Variants in CYP4B1 observed in about 807,000 individuals in gnomAD.
CYP4B1 encodes cytochrome P450 family 4 subfamily B member 1, also known as cytochrome P450 4B1.
A neutral mutation model predicts 54.0 loss-of-function variants in CYP4B1; 45 were observed. That is an observed-to-expected ratio of 0.83 (90% confidence interval 0.66 to 1.07). The LOEUF (loss-of-function observed/expected upper bound fraction) is 1.07. CYP4B1 is among the 50% of genes least tolerant of loss of function. CYP4B1 has a pLI of 0.00. For missense variants in CYP4B1, 656 were observed against 655.4 expected (o/e 1.00, Z -0.01); for synonymous variants, 248 against 247.5 (o/e 1.00, Z -0.02).
At chr1:46,800,581 C>T (rs1165881351) in intron 1 of CYP4B1, among the ~76,000 whole-genome samples, 2 of 152,016 alleles carry the variant, frequency 1.3e-5, no homozygotes, top group Non-Finnish European at 1.5e-5. Flanking sequence ...CCACCTGCCT[C>T]GGCCTCCCAA....
chr1:46,814,227 G>A lies in CYP4B1; in HGVS notation c.794G>A (p.Arg265Gln), dbSNP rs138537119. The change falls in exon 7 of 12, where the codon CGG becomes CAG. Residue 265 changes from arginine to glutamine, a missense_variant. Coordinates refer to ENST00000371923, the MANE Select transcript of CYP4B1 (RefSeq NM_001099772.2). Reference sequence around the variant, plus strand: ...GGTTCAGACCAGGTCATCAGGGAGCGGAAGGCAGCCCTGCAGGATGAGAAG... The same window carrying A: ...GGTTCAGACCAGGTCATCAGGGAGCAGAAGGCAGCCCTGCAGGATGAGAAG... ...HDHTDQVIRERKAALQDEKVR... is the reference protein window; with the variant it reads ...HDHTDQVIREQKAALQDEKVR... 1.4e-4 allele frequency: 220 copies of A among 1,614,120 alleles called. No homozygotes were observed. In the African/African-American group the frequency reaches 1.9e-3, roughly 14 times the overall value.
chr1:46,800,282 CT>C (rs1678594885), intron 1 of CYP4B1, among the ~76,000 whole-genome samples: 3 of 79,522 alleles, frequency 3.8e-5, no homozygotes, highest in African/African-American at 1.2e-4. Context: ...TCCTTCCTTC[CT>C]TCCTTCCTTC....
At chr1:46,818,595 C>T (rs750822442) in intron 11 of CYP4B1, 36 bp from the exon 12 acceptor site, 1 of 1,601,874 alleles carries the variant, frequency 6.2e-7, no homozygotes, top group Non-Finnish European at 8.6e-7. Flanking sequence ...TCTGGATGCT[C>T]CATTGCACGA....
chr1:46,818,196 C>G lies in CYP4B1; in HGVS notation c.1338C>G (p.Pro446=). The change falls in exon 11 of 12, where the codon CCC becomes CCG. Residue 446 remains proline, a synonymous_variant. Coordinates refer to ENST00000371923, the MANE Select transcript of CYP4B1 (RefSeq NM_001099772.2). Reference sequence around the variant, plus strand: ...AACGCCATCCCTTTGCCTTTATGCCCTTCTCTGCTGGGCCCAGGTATGGAG... The same window carrying G: ...AACGCCATCCCTTTGCCTTTATGCCGTTCTCTGCTGGGCCCAGGTATGGAG... The part of the protein sequence containing the change: ...ASKRHPFAFM[P]FSAGPRNCIG... 4 of 1,614,098 alleles carry G rather than the reference C, an allele frequency of 2.5e-6. No homozygotes were observed. The highest frequency in any genetic ancestry group is 3.4e-6 in the Non-Finnish European group (4 of 1,180,000).
Position 46,803,540 on chromosome 1 carries a change from T to A in CYP4B1, c.180+4279T>A, listed in dbSNP as rs182701465. Reference sequence around the variant, plus strand: ...ATCAAAGGAGAGCCATAAGACTGGATTGTAAACAGGAGGAATGAATTTCTA... The same window carrying A: ...ATCAAAGGAGAGCCATAAGACTGGAATGTAAACAGGAGGAATGAATTTCTA... On this transcript the variant is annotated intron_variant, in intron 1 of 11. Transcript: ENST00000371923. Among the ~76,000 whole-genome samples the A allele has an allele frequency of 3.8e-3, 576 of 152,286 alleles. 1 individual carries two copies. The highest frequency in any genetic ancestry group is 6.3e-3 in the Non-Finnish European group (429 of 68,026).
intron 1 of CYP4B1, among the ~76,000 whole-genome samples, chr1:46,801,263 C>A (rs996976022): frequency 6.6e-6 from 1 of 152,162 alleles, no homozygotes; most frequent in Non-Finnish European, 1.5e-5. Flanking sequence ...TGAGGTCTGA[C>A]GCTAAAAGGG....
At chr1:46,799,527 T>G (rs1447050907) in intron 1 of CYP4B1, among the ~76,000 whole-genome samples, 5 of 152,166 alleles carry the variant, frequency 3.3e-5, no homozygotes, top group Non-Finnish European at 5.9e-5. Flanking sequence ...AGGCCCAAAG[T>G]TTGGACCAGG....
At position 46,811,138 on chromosome 1, in the gene CYP4B1, A is replaced by G; in HGVS notation, c.323-2A>G. On this transcript the variant is annotated splice_acceptor_variant, in intron 2 of 11. Coordinates refer to ENST00000371923, the MANE Select transcript of CYP4B1 (RefSeq NM_001099772.2). LOFTEE classifies it high-confidence loss of function. ...GCTTGACCTGATTGTCTCCTCCTGC[A>G]GACCCTAAGGCCCCTGATGTGTATG... The G allele has an allele frequency of 6.2e-7, 1 of 1,614,178 alleles. No homozygotes were observed. The highest frequency in any genetic ancestry group is 8.5e-7 in the Non-Finnish European group (1 of 1,180,020).
At chr1:46,803,537 G>T (rs191017504) in intron 1 of CYP4B1, among the ~76,000 whole-genome samples, 1 of 152,272 alleles carries the variant, frequency 6.6e-6, no homozygotes, top group Admixed American at 6.5e-5. Flanking sequence ...CCATAAGACT[G>T]GATTGTAAAC....
intron 7 of CYP4B1, 43 bp from the exon 8 acceptor site, chr1:46,815,031 C>A (rs1228964956): frequency 6.4e-7 from 1 of 1,574,330 alleles, no homozygotes. Flanking sequence ...TGTTACCCAC[C>A]TCCAATACCT....
intron 1 of CYP4B1, among the ~76,000 whole-genome samples, chr1:46,801,589 A>C (rs1678664914): frequency 6.6e-6 from 1 of 152,154 alleles, no homozygotes. Flanking sequence ...GGGAGCTACA[A>C]AGGTTTCCTG....
At chr1:46,816,105 C>G (rs937531534) in intron 8 of CYP4B1, among the ~76,000 whole-genome samples, 3 of 152,172 alleles carry the variant, frequency 2.0e-5, no homozygotes, top group Non-Finnish European at 4.4e-5. Flanking sequence ...TGAGAATCCC[C>G]CCCCCACGGG....
In CYP4B1 at chr1:46,819,014, T is replaced by A; in HGVS notation, c.*200T>A. ...TGTCTATAAATGTTTATCATGCATG[T>A]ATTCTAGAGCTCATTCATTTATTCA... On this transcript the variant is annotated 3_prime_UTR_variant, in exon 12 of 12. Transcript: ENST00000371923. 1 of 540,210 alleles carries A rather than the reference T, an allele frequency of 1.9e-6. No homozygotes were observed. The highest frequency in any genetic ancestry group is 3.3e-6 in the Non-Finnish European group (1 of 305,262). 33.5% of individuals were successfully genotyped at this position (540,210 alleles called of 1,614,324 possible). A position where few individuals can be genotyped will look rare whatever the true frequency, so the allele number is the denominator to read the frequency against.
chr1:46,808,621 A>G (rs1433533716), intron 1 of CYP4B1, among the ~76,000 whole-genome samples: 2 of 152,024 alleles, frequency 1.3e-5, no homozygotes, highest in Admixed American at 6.6e-5. Context: ...ATTACTGGGT[A>G]TATACCCAAA....
chr1:46,816,366 A>C (rs1035727147), intron 8 of CYP4B1, among the ~76,000 whole-genome samples: 2 of 152,214 alleles, frequency 1.3e-5, no homozygotes, highest in African/African-American at 2.4e-5. Context: ...ATGTGAACAC[A>C]ACCCGAGGCA....
intron 1 of CYP4B1, among the ~76,000 whole-genome samples, chr1:46,810,120 T>G (rs1679038506): frequency 6.6e-6 from 1 of 152,186 alleles, no homozygotes; most frequent in Non-Finnish European, 1.5e-5. Flanking sequence ...CCTTTATGCT[T>G]CACATGGCCA....
rs917699077 is a variant in CYP4B1, at chr1:46,818,653, G to A, written c.1378G>A (p.Ala460Thr). The change falls in exon 12 of 12, where the codon GCC becomes ACC. Residue 460 changes from alanine to threonine, a missense_variant. Ala to Thr is a moderately conservative substitution (Grantham distance 58). Transcript: ENST00000371923. ...GPRNCIGQQF[A>T]MSEMKVVTAM... The stretch of plus-strand genomic sequence containing the variant: ...CAGGAACTGCATTGGGCAGCAGTTT[G>A]CCATGAGTGAGATGAAGGTGGTCAC... The A allele has an allele frequency of 1.9e-6, 3 of 1,614,206 alleles. No individual in the cohort carries two copies. The highest frequency in any genetic ancestry group is 1.7e-6 in the Non-Finnish European group (2 of 1,180,018).
intron 1 of CYP4B1, among the ~76,000 whole-genome samples, chr1:46,804,155 G>A (rs928423751): frequency 3.9e-5 from 6 of 152,164 alleles, no homozygotes; most frequent in Non-Finnish European, 8.8e-5. Flanking sequence ...GGATCTGGAG[G>A]AACAAAGAGT....
chr1:46,803,119 C>T (rs1440278519), intron 1 of CYP4B1, among the ~76,000 whole-genome samples: 1 of 152,122 alleles, frequency 6.6e-6, no homozygotes, highest in African/African-American at 2.4e-5. Context: ...AAGGCTTTAC[C>T]TTATTTTGAG....
Sources: gnomAD v4.1 joint callset for allele counts (sites outside exome capture counted in the v4.1 genomes callset) on GRCh38, gnomAD v4.1.1 for gene constraint, MANE v1.5 for transcripts, NCBI Gene and HGNC (gene_info 2026-07-23, HGNC 2026-07-21) for gene names.